SH3BP4: variants seen among roughly 807,000 people sequenced by gnomAD.
SH3BP4 encodes SH3 domain binding protein 4.
A neutral mutation model predicts 65.5 loss-of-function variants in SH3BP4; 33 were observed. The observed-to-expected ratio is 0.50, with a 90% CI of 0.38 to 0.67. The LOEUF is 0.67. Ranked by LOEUF, SH3BP4 falls within the 30% of genes least tolerant of loss-of-function variation. SH3BP4 has a pLI of 0.00. For missense variants in SH3BP4, 1,134 were observed against 1,261.4 expected (o/e 0.90, Z 1.53); for synonymous variants, 552 against 545.5 (o/e 1.01, Z -0.17).
rs1290346844 is a variant in SH3BP4, at chr2:234,974,039, A to C, written c.-206-21264A>C. 6.6e-6 allele frequency among the ~76,000 whole-genome samples: 1 copy of C among 152,090 alleles called. No homozygotes were observed. The highest frequency in any genetic ancestry group is 1.5e-5 in the Non-Finnish European group (1 of 68,024). ...ACAGGGGAGGCTTTCAGAACTCAGC[A>C]GCTCCTCACTGGCTCTGGGAAAACT... is the stretch of plus-strand genomic sequence containing the variant. On this transcript the variant is annotated intron_variant, in intron 1 of 5. Transcript: ENST00000392011. The surrounding 1 kb of genome is among the most constrained non-coding windows in gnomAD (Gnocchi z 4.6).
intron 1 of SH3BP4, among the ~76,000 whole-genome samples, chr2:234,958,916 A>G (rs1330499404): frequency 2.0e-5 from 3 of 152,098 alleles, no homozygotes; most frequent in Non-Finnish European, 4.4e-5. Flanking sequence ...GGAGGGAGCC[A>G]GGGTTGGGTC....
At chr2:234,988,198 T>C (rs2106265685) in intron 1 of SH3BP4, among the ~76,000 whole-genome samples, 1 of 152,214 alleles carries the variant, frequency 6.6e-6, no homozygotes, top group East Asian at 1.9e-4. Flanking sequence ...TAGCTGGGAC[T>C]ATGGGCGCCC....
chr2:234,969,188 T>A (rs1692914060), intron 1 of SH3BP4, among the ~76,000 whole-genome samples: 1 of 152,236 alleles, frequency 6.6e-6, no homozygotes, highest in African/African-American at 2.4e-5. Flanking sequence ...AAGTTGCCAG[T>A]CTTGTTAGGC....
chr2:235,006,393 A>C (rs1005005968), intron 2 of SH3BP4, among the ~76,000 whole-genome samples: 1 of 152,094 alleles, frequency 6.6e-6, no homozygotes, highest in East Asian at 1.9e-4. Flanking sequence ...GTGGGGTAGC[A>C]TTTTTTAGGA....
At chr2:235,050,454 G>A (rs1381302276) in intron 4 of SH3BP4, among the ~76,000 whole-genome samples, 5 of 152,020 alleles carry the variant, frequency 3.3e-5, no homozygotes, top group Non-Finnish European at 5.9e-5. Flanking sequence ...AAAAACAAAC[G>A]GCCACCAGGT....
At chr2:235,038,382 T>TATAC (rs1695516171) in intron 3 of SH3BP4, among the ~76,000 whole-genome samples, 4 of 9,346 alleles carry the variant, frequency 4.3e-4, no homozygotes, top group African/African-American at 1.5e-3. Flanking sequence ...TATACATATA[T>TATAC]ATATATATAT....
intron 2 of SH3BP4, among the ~76,000 whole-genome samples, chr2:235,028,292 A>G (rs907163893): frequency 1.2e-4 from 18 of 152,204 alleles, no homozygotes; most frequent in African/African-American, 4.3e-4. Flanking sequence ...CTGCAACTGC[A>G]GGCTGTCCTG....
chr2:235,014,780 GC>G (rs940060561), intron 2 of SH3BP4, among the ~76,000 whole-genome samples: 7 of 152,054 alleles, frequency 4.6e-5, no homozygotes, highest in South Asian at 4.1e-4. Context: ...TTGGATTAGG[GC>G]CCCCCAGTCA....
chr2:234,998,117 C>T (rs996879940), intron 2 of SH3BP4, among the ~76,000 whole-genome samples: 2 of 151,724 alleles, frequency 1.3e-5, no homozygotes, highest in African/African-American at 4.8e-5. Flanking sequence ...AGCGAGACTC[C>T]ATCTCCAAAA....
chr2:234,962,590 T>C (rs996127376), intron 1 of SH3BP4, among the ~76,000 whole-genome samples: 2 of 152,222 alleles, frequency 1.3e-5, no homozygotes, highest in African/African-American at 2.4e-5. Flanking sequence ...CTACCACCCA[T>C]GATGACCACT....
rs2106267380 is a variant in SH3BP4 at position 234,989,461 on chromosome 2, C to T, written c.-206-5842C>T. On this transcript the variant is annotated intron_variant, in intron 1 of 5. Transcript: ENST00000392011. ...ACACTCCTGGCATGCAGCCATGTAC[C>T]CGGGTGAATGCCCACTTCCGTTTGG... Among the ~76,000 whole-genome samples the T allele has an allele frequency of 2.0e-5, 3 of 152,310 alleles. No individual in the cohort carries two copies. The Middle Eastern group carries it at 0.01, about 518-fold the overall frequency.
chr2:235,001,657 C>T (rs920223690), intron 2 of SH3BP4, among the ~76,000 whole-genome samples: 4 of 152,214 alleles, frequency 2.6e-5, no homozygotes, highest in Non-Finnish European at 4.4e-5. Flanking sequence ...GCCTGAACGT[C>T]GAAGGTGCTC....
intron 2 of SH3BP4, among the ~76,000 whole-genome samples, chr2:235,025,548 C>T (rs1389808878): frequency 6.6e-6 from 1 of 152,210 alleles, no homozygotes; most frequent in Non-Finnish European, 1.5e-5. Context: ...CACCAAGCTT[C>T]GGAGGCCCCC....
rs1693954910 is a variant in SH3BP4, at chr2:234,997,306, G to T, written c.-133+1930G>T. ...CAGTCTGATTTGCCTGGGGGTCAGT[G>T]AGAGACACGGCTACCCAGGGTTTCC... On this transcript the variant is annotated intron_variant, in intron 2 of 5. Coordinates refer to ENST00000392011, the MANE Select transcript of SH3BP4 (RefSeq NM_014521.3). The surrounding 1 kb of genome is among the most constrained non-coding windows in gnomAD (Gnocchi z 4.2). Among the ~76,000 whole-genome samples, 1 of 152,226 alleles carries T rather than the reference G, an allele frequency of 6.6e-6. No individual in the cohort carries two copies. The highest frequency in any genetic ancestry group is 2.1e-4 in the South Asian group (1 of 4,836).
chr2:235,018,223 T>C (rs188081265), intron 2 of SH3BP4, among the ~76,000 whole-genome samples: 7 of 152,324 alleles, frequency 4.6e-5, no homozygotes, highest in African/African-American at 1.7e-4. Context: ...GAGTTCATTC[T>C]ACAGAGTCTG....
chr2:234,966,016 G>A (rs548140010), intron 1 of SH3BP4, among the ~76,000 whole-genome samples: 129 of 152,312 alleles, frequency 8.5e-4, no homozygotes, highest in South Asian at 8.3e-3. Context: ...GTTGAGGATG[G>A]TCATCTCCTG....
chr2:235,037,807 C>G (rs1208553216), intron 3 of SH3BP4, among the ~76,000 whole-genome samples: 1 of 152,170 alleles, frequency 6.6e-6, no homozygotes, highest in Non-Finnish European at 1.5e-5. Flanking sequence ...CTCAGCCTGA[C>G]CCACATCAAT....
chr2:235,038,249 T>TATATAATATATATTG (rs766333800), intron 3 of SH3BP4, among the ~76,000 whole-genome samples: 1 of 34,430 alleles, frequency 2.9e-5, no homozygotes, highest in Non-Finnish European at 4.7e-5. Context: ...TATATATATA[T>TATATAATATATATTG]TATATATAAT....
Position 235,053,920 on chromosome 2 carries a change from A to G in SH3BP4, c.*104A>G. Reference sequence around the variant, plus strand: ...AAGAGGGAGGAAGGGGCGGCTGCTCAGACAGATTTAGGGCCCGCCAGCTAG... The same window carrying G: ...AAGAGGGAGGAAGGGGCGGCTGCTCGGACAGATTTAGGGCCCGCCAGCTAG... On this transcript the variant is annotated 3_prime_UTR_variant, in exon 6 of 6. Coordinates refer to ENST00000392011, the MANE Select transcript of SH3BP4 (RefSeq NM_014521.3). 2.2e-6 allele frequency: 2 copies of G among 912,406 alleles called. No individual in the cohort carries two copies. The highest frequency in any genetic ancestry group is 3.4e-6 in the Non-Finnish European group (2 of 585,794). The allele number at this position is 912,406 out of a possible 1,614,324, so 56.5% of individuals were successfully genotyped here.
Sources: allele counts gnomAD v4.1 joint callset (sites outside exome capture counted in the v4.1 genomes callset), GRCh38; gene constraint gnomAD v4.1.1; non-coding constraint Gnocchi (gnomAD v3.1); transcripts MANE v1.5; gene names NCBI Gene and HGNC (gene_info 2026-07-23, HGNC 2026-07-21).